BCL11A: variants seen among roughly 807,000 people sequenced by gnomAD.
The protein encoded by BCL11A is B cell CLL/lymphoma 11A.
In BCL11A, 2 loss-of-function variants were observed where a neutral mutation model predicts 55.9. The ratio of observed to expected loss-of-function variants is 0.04; its 90% confidence interval spans 0.01 to 0.11. The LOEUF (loss-of-function observed/expected upper bound fraction) is 0.11, where lower values mean the gene tolerates loss of function less well. BCL11A is among the 10% of genes least tolerant of loss of function. The pLI, the probability that BCL11A is intolerant of heterozygous loss-of-function variation, is 1.00. For synonymous variants in BCL11A, 465 were observed against 473.4 expected (o/e 0.98, Z 0.23); for missense variants, 817 against 1,137.1 (o/e 0.72, Z 4.05).
rs1491158783 is a variant in BCL11A, at chr2:60,553,469, GCT to G, written c.-201_-200del. 9 of 129,334 alleles carry G rather than the reference GCT, an allele frequency of 7.0e-5. No individual in the cohort carries two copies. The highest frequency in any genetic ancestry group is 1.2e-4 in the Non-Finnish European group (8 of 69,450). The allele number at this position is 129,334 out of a possible 1,614,324, so 8.0% of individuals were successfully genotyped here. On this transcript the variant is annotated 5_prime_UTR_variant, in exon 1 of 4. Transcript: ENST00000642384. Reference sequence around the variant, plus strand: ...GATGAATTGTGGGAGAGCCGTCATGGCTTTTTTTTAAGCAAAAAAAAAAAAAA... The same window carrying G: ...GATGAATTGTGGGAGAGCCGTCATGGTTTTTTTAAGCAAAAAAAAAAAAAA...
At chr2:60,535,005 T>C (rs1045545236) in intron 2 of BCL11A, 1 of 152,206 alleles carries the variant, frequency 6.6e-6, no homozygotes, top group Non-Finnish European at 1.5e-5. Context: ...ACCTTTTTTT[T>C]CTCCTTCAGC....
intron 2 of BCL11A, among the ~76,000 whole-genome samples, chr2:60,531,848 G>A (rs192985253): frequency 7.2e-5 from 11 of 152,252 alleles, no homozygotes; most frequent in Admixed American, 6.5e-4. Context: ...TGTTCTGTCA[G>A]TGTCCACCCT....
In BCL11A at chr2:60,460,140, C is replaced by T; in HGVS notation, c.*264G>A. 1.6e-6 allele frequency: 2 copies of T among 1,214,254 alleles called. No homozygotes were observed. Among genetic ancestry groups the T allele is most frequent in the Non-Finnish European group, 2.0e-6 (2 of 982,210 alleles). The allele number at this position is 1,214,254 out of a possible 1,614,324, so 75.2% of individuals were successfully genotyped here. A position where few individuals can be genotyped will look rare whatever the true frequency, so the allele number is the denominator to read the frequency against. ...TGCAATAGTATTGCCCCATACAGAT[C>T]ATGCATTCAAACGGTGAGAACATAA... is the stretch of plus-strand genomic sequence containing the variant. On this transcript the variant is annotated 3_prime_UTR_variant, in exon 4 of 4. Coordinates refer to ENST00000642384, the MANE Select transcript of BCL11A (RefSeq NM_022893.4).
At chr2:60,535,680 A>G (rs1669637801) in intron 2 of BCL11A, 1 of 152,326 alleles carries the variant, frequency 6.6e-6, no homozygotes, top group African/African-American at 2.4e-5. Context: ...GGAGAAGCAC[A>G]GGAGGGAGAG....
At chr2:60,514,286 G>A (rs938769036) in intron 2 of BCL11A, among the ~76,000 whole-genome samples, 6 of 152,286 alleles carry the variant, frequency 3.9e-5, no homozygotes, top group South Asian at 4.1e-4. Context: ...TGGTGGGATC[G>A]CAGTGCTGAG....
At chr2:60,514,139 T>TCTCTGAGAGGCTTCCAGGCTGGAG (rs1255595684) in intron 2 of BCL11A, among the ~76,000 whole-genome samples, 2 of 152,178 alleles carry the variant, frequency 1.3e-5, no homozygotes, top group East Asian at 3.9e-4. Flanking sequence ...CTCCAAGCAC[T>TCTCTGAGAGGCTTCCAGGCTGGAG]CTCTGAGAGG....
intron 2 of BCL11A, chr2:60,535,367 T>C (rs2556378): frequency 6.6e-6 from 1 of 152,034 alleles, no homozygotes; most frequent in Non-Finnish European, 1.5e-5. Flanking sequence ...GGGGCTAAGA[T>C]ACAAACAGAG....
At chr2:60,518,577 G>T (rs1166257600) in intron 2 of BCL11A, among the ~76,000 whole-genome samples, 1 of 152,148 alleles carries the variant, frequency 6.6e-6, no homozygotes, top group Non-Finnish European at 1.5e-5. Flanking sequence ...AAGGCATGGG[G>T]GGACAAGGCA....
intron 2 of BCL11A, among the ~76,000 whole-genome samples, chr2:60,491,031 G>A (rs903749965): frequency 6.6e-6 from 1 of 152,096 alleles, no homozygotes; most frequent in African/African-American, 2.4e-5. Flanking sequence ...CCCACACCCT[G>A]GAGAAGAGCA....
intron 2 of BCL11A, among the ~76,000 whole-genome samples, chr2:60,521,021 G>T (rs986245812): frequency 6.6e-6 from 1 of 151,376 alleles, no homozygotes; most frequent in East Asian, 1.9e-4. Context: ...TTTTGGAAAG[G>T]GATGAAATGG....
At chr2:60,522,682 C>G (rs1669044074) in intron 2 of BCL11A, 1 of 152,336 alleles carries the variant, frequency 6.6e-6, no homozygotes, top group African/African-American at 2.4e-5. Context: ...CCCTGAGTCT[C>G]CCTCACTCCC....
intron 2 of BCL11A, among the ~76,000 whole-genome samples, chr2:60,523,488 T>C (rs538508240): frequency 6.6e-6 from 1 of 152,076 alleles, no homozygotes; most frequent in South Asian, 2.1e-4. Context: ...ACTTTCCTAT[T>C]CTCTCTCTCT....
chr2:60,525,476 C>T (rs1396522296), intron 2 of BCL11A: 1 of 152,166 alleles, frequency 6.6e-6, no homozygotes, highest in African/African-American at 2.4e-5. Flanking sequence ...TAATCTCCAC[C>T]ATAGCTTCCA....
chr2:60,517,943 T>TCCCAATGTACACATGATGATG (rs1573044840), intron 2 of BCL11A, among the ~76,000 whole-genome samples: 10 of 151,986 alleles, frequency 6.6e-5, no homozygotes, highest in African/African-American at 1.9e-4. Context: ...AACAAGAACC[T>TCCCAATGTACACATGATGATG]TACTCTAAAA....
chr2:60,512,852 C>T (rs1352643798), intron 2 of BCL11A, among the ~76,000 whole-genome samples: 1 of 152,174 alleles, frequency 6.6e-6, no homozygotes, highest in African/African-American at 2.4e-5. Context: ...TACTACAATA[C>T]ACACCTAAAG....
intron 2 of BCL11A, among the ~76,000 whole-genome samples, chr2:60,492,610 G>GCCTC (rs1461167511): frequency 7.1e-6 from 1 of 140,940 alleles, no homozygotes; most frequent in African/African-American, 2.8e-5. Context: ...ATCTCAGTGG[G>GCCTC]CCTCCCTCTC....
intron 2 of BCL11A, among the ~76,000 whole-genome samples, chr2:60,474,868 T>C (rs1370395470): frequency 6.6e-6 from 1 of 152,098 alleles, no homozygotes; most frequent in Non-Finnish European, 1.5e-5. Flanking sequence ...CTTCATTTAG[T>C]AGAAAAGGTA....
chr2:60,549,768 G>A (rs1260946398), intron 1 of BCL11A: 1 of 152,280 alleles, frequency 6.6e-6, no homozygotes, highest in Non-Finnish European at 1.5e-5. Flanking sequence ...AAACCCGGCT[G>A]GTTAACCTGG....
chr2:60,547,511 C>G (rs1423636135), intron 1 of BCL11A, among the ~76,000 whole-genome samples: 1 of 114,624 alleles, frequency 8.7e-6, no homozygotes, highest in African/African-American at 2.8e-5. Flanking sequence ...CTTGCTCTAT[C>G]AAAAAAAAAA....
Sources: allele counts gnomAD v4.1 joint callset (sites outside exome capture counted in the v4.1 genomes callset), GRCh38; gene constraint gnomAD v4.1.1; transcripts MANE v1.5; gene names NCBI Gene and HGNC (gene_info 2026-07-23, HGNC 2026-07-21).